MIX23: variants seen among roughly 807,000 people sequenced by gnomAD.
MIX23 encodes the protein protein MIX23.
A neutral mutation model predicts 21.6 loss-of-function variants in MIX23; 13 were observed. The observed-to-expected ratio is 0.60, with a 90% CI of 0.39 to 0.96. The LOEUF (loss-of-function observed/expected upper bound fraction) is 0.96, where lower values mean the gene tolerates loss of function less well. Ranked by LOEUF, MIX23 falls within the 40% of genes least tolerant of loss-of-function variation. MIX23 has a pLI of 0.00. For missense variants in MIX23, 144 were observed against 171.2 expected, an observed-to-expected ratio of 0.84 and a Z score of 0.89; for synonymous variants, 59 against 58.0, an observed-to-expected ratio of 1.02 and a Z score of -0.08.
intron 3 of MIX23, 23 bp downstream of exon 3, chr3:122,368,148 TGAGAA>T (rs1422888205): frequency 1.4e-5 from 23 of 1,606,382 alleles, no homozygotes; most frequent in Non-Finnish European, 2.0e-5. Flanking sequence ...AAACTTTGCC[TGAGAA>T]ATGTTAATTC....
chr3:122,381,351 G>C (rs1337009495), intron 1 of MIX23, among the ~76,000 whole-genome samples: 1 of 152,132 alleles, frequency 6.6e-6, no homozygotes, highest in Non-Finnish European at 1.5e-5. Flanking sequence ...CTGGAGATAG[G>C]GCCTTGAGGT....
intron 3 of MIX23, among the ~76,000 whole-genome samples, chr3:122,366,105 G>T (rs1298510858): frequency 1.3e-5 from 2 of 151,950 alleles, no homozygotes; most frequent in Non-Finnish European, 2.9e-5. Context: ...TTGAACCTGG[G>T]AGGCGGAAGT....
chr3:122,371,010 G>C (rs1299597505), intron 2 of MIX23, among the ~76,000 whole-genome samples: 1 of 152,178 alleles, frequency 6.6e-6, no homozygotes, highest in Non-Finnish European at 1.5e-5. Flanking sequence ...CCTTGTGGTA[G>C]AGCTTAAAAT....
At chr3:122,371,648 AGC>A in intron 2 of MIX23, 25 bp downstream of exon 2, 20 of 1,610,722 alleles carry the variant, frequency 1.2e-5, no homozygotes, top group Non-Finnish European at 1.6e-5. Flanking sequence ...GCATGAAAGA[AGC>A]AAAAGACTCA....
intron 1 of MIX23, among the ~76,000 whole-genome samples, chr3:122,373,609 T>C (rs753188151): frequency 9.2e-5 from 14 of 152,214 alleles, no homozygotes; most frequent in Admixed American, 1.3e-4. Context: ...TTAAGTATTC[T>C]ATCCTGTTCA....
Position 122,359,845 on chromosome 3 carries a change from A to T in MIX23, c.*24T>A, listed in dbSNP as rs2075344550. 2 of 1,461,592 alleles carry T rather than the reference A, an allele frequency of 1.4e-6. No individual in the cohort carries two copies. Among genetic ancestry groups the T allele is most frequent in the Non-Finnish European group, 9.0e-7 (1 of 1,112,476 alleles). The allele number at this position is 1,461,592 out of a possible 1,614,324, so 90.5% of individuals were successfully genotyped here. On this transcript the variant is annotated 3_prime_UTR_variant, in exon 5 of 5. Coordinates refer to ENST00000291458, the MANE Select transcript of MIX23 (RefSeq NM_001017928.4). ...ACCCAGTCCTTAAAAAAAAAAAAAA[A>T]AAAAAAAAAAAAAGAATCTCTCTTT...
intron 4 of MIX23, among the ~76,000 whole-genome samples, chr3:122,362,015 C>T (rs1414258729): frequency 3.3e-5 from 5 of 152,074 alleles, no homozygotes; most frequent in South Asian, 2.1e-4. Context: ...TTTTGCCCTT[C>T]GTAAATCTTT....
chr3:122,380,231 A>G (rs1023603328), intron 1 of MIX23, among the ~76,000 whole-genome samples: 1 of 152,154 alleles, frequency 6.6e-6, no homozygotes, highest in African/African-American at 2.4e-5. Context: ...CCTTTGCCTG[A>G]TGGTACCCAG....
Position 122,368,278 on chromosome 3 carries a change from A to G in MIX23, c.222T>C (p.Cys74=). Reference sequence around the variant, plus strand: ...TTACTACTGCTGAAGTCTGGGCTATACAGTTTTTTATGACTCTGTCTCTAC... The same window carrying G: ...TTACTACTGCTGAAGTCTGGGCTATGCAGTTTTTTATGACTCTGTCTCTAC... ...HASRDRVIKN[C]IAQTSAVVKN... Residue 74 remains cysteine, a synonymous_variant, in exon 3 of 5, where the codon TGT becomes TGC. Coordinates refer to ENST00000291458, the MANE Select transcript of MIX23 (RefSeq NM_001017928.4). 1.2e-6 allele frequency: 2 copies of G among 1,609,048 alleles called. No individual in the cohort carries two copies. The highest frequency in any genetic ancestry group is 1.7e-6 in the Non-Finnish European group (2 of 1,179,406).
chr3:122,377,526 G>C (rs1293053244), intron 1 of MIX23, among the ~76,000 whole-genome samples: 1 of 152,150 alleles, frequency 6.6e-6, no homozygotes, highest in Non-Finnish European at 1.5e-5. Context: ...CGGAGGGATT[G>C]GTCATTTGTG....
intron 3 of MIX23, 109 bp from the exon 4 acceptor site, chr3:122,363,136 C>T (rs2075371785): frequency 2.5e-6 from 2 of 807,600 alleles, no homozygotes; most frequent in South Asian, 3.3e-5. Flanking sequence ...CCAACAAAAC[C>T]TGCTACTGCT....
intron 1 of MIX23, among the ~76,000 whole-genome samples, chr3:122,372,488 GAAC>G (rs912845080): frequency 6.6e-6 from 1 of 151,740 alleles, no homozygotes; most frequent in Non-Finnish European, 1.5e-5. Flanking sequence ...ACAAGAACAA[GAAC>G]AACAACAACA....
intron 1 of MIX23, among the ~76,000 whole-genome samples, chr3:122,381,732 A>T (rs1353674870): frequency 1.3e-5 from 2 of 149,830 alleles, no homozygotes; most frequent in African/African-American, 4.9e-5. Flanking sequence ...AAAAAATAAA[A>T]AAAAAAAAAA....
intron 1 of MIX23, among the ~76,000 whole-genome samples, chr3:122,380,693 T>C (rs1156605625): frequency 2.0e-5 from 3 of 152,192 alleles, no homozygotes; most frequent in African/African-American, 4.8e-5. Flanking sequence ...AGTTTATATC[T>C]AGTCATATGA....
intron 2 of MIX23, among the ~76,000 whole-genome samples, chr3:122,370,104 G>A (rs1373088170): frequency 2.6e-5 from 4 of 151,928 alleles, no homozygotes; most frequent in Admixed American, 6.6e-5. Context: ...AATTCAATGC[G>A]CCAACAACTC....
At chr3:122,369,239 A>G (rs1252296347) in intron 2 of MIX23, among the ~76,000 whole-genome samples, 2 of 152,228 alleles carry the variant, frequency 1.3e-5, no homozygotes, top group African/African-American at 4.8e-5. Flanking sequence ...AATATGCTCT[A>G]ATAAGATCTC....
chr3:122,363,951 G>A (rs943729758), intron 3 of MIX23, among the ~76,000 whole-genome samples: 1 of 152,148 alleles, frequency 6.6e-6, no homozygotes, highest in African/African-American at 2.4e-5. Flanking sequence ...AAAAAAGCAT[G>A]AACTATAGGT....
chr3:122,364,193 G>A (rs753366828), intron 3 of MIX23, among the ~76,000 whole-genome samples: 20 of 152,202 alleles, frequency 1.3e-4, no homozygotes, highest in Non-Finnish European at 2.5e-4. Flanking sequence ...ATGGCTCCTT[G>A]CAAACTCCCT....
intron 1 of MIX23, among the ~76,000 whole-genome samples, chr3:122,374,164 G>A (rs1450970096): frequency 4.3e-5 from 6 of 139,038 alleles, no homozygotes; most frequent in Non-Finnish European, 6.1e-5. Flanking sequence ...CTTCCTTTTC[G>A]CTATCTAAAC....
Sources: gnomAD v4.1 joint callset for allele counts (sites outside exome capture counted in the v4.1 genomes callset) on GRCh38, gnomAD v4.1.1 for gene constraint, MANE v1.5 for transcripts, NCBI Gene and HGNC (gene_info 2026-07-23, HGNC 2026-07-21) for gene names.